SUMF2: variants seen among roughly 807,000 people sequenced by gnomAD.
SUMF2 encodes inactive C-alpha-formylglycine-generating enzyme 2.
In SUMF2, 45 loss-of-function variants were observed where a neutral mutation model predicts 44.8. The observed-to-expected ratio is 1.00, with a 90% confidence interval of 0.79 to 1.29. The LOEUF is 1.29. Among genes scored for constraint, SUMF2 ranks in the 50% most tolerant of loss-of-function variants. The probability of loss-of-function intolerance (pLI) is 0.00; values close to 1 mark genes in which losing one functional copy is unlikely to be tolerated. For synonymous variants in SUMF2, 148 were observed against 150.4 expected (o/e 0.98, Z 0.12); for missense variants, 418 against 389.9 (o/e 1.07, Z -0.61).
At chr7:56,075,737 G>T (rs1195314486) in intron 5 of SUMF2, among the ~76,000 whole-genome samples, 1 of 151,402 alleles carries the variant, frequency 6.6e-6, no homozygotes, top group African/African-American at 2.4e-5. Flanking sequence ...CTCCTAACTC[G>T]GTCATTTGTC....
intron 1 of SUMF2, among the ~76,000 whole-genome samples, chr7:56,066,123 CA>C: frequency 8.1e-6 from 1 of 123,258 alleles, no homozygotes; most frequent in African/African-American, 3.0e-5. Context: ...CAAAACAAAA[CA>C]AAAAAAACGA....
chr7:56,072,980 G>T lies in SUMF2; in HGVS notation c.225-17G>T. On this transcript the variant is annotated splice_polypyrimidine_tract_variant and intron_variant, in intron 2 of 8. Coordinates refer to ENST00000434526, the MANE Select transcript of SUMF2 (RefSeq NM_015411.4). ...CAGAACCTCACCAGCTGAACCAGCT[G>T]AACTATGTCTTTATAGGGATTTTGT... 6.2e-7 allele frequency: 1 copy of T among 1,605,684 alleles called. No homozygotes were observed. Among genetic ancestry groups the T allele is most frequent in the South Asian group, 1.1e-5 (1 of 90,828 alleles).
intron 1 of SUMF2, among the ~76,000 whole-genome samples, chr7:56,068,076 C>T (rs1794927588): frequency 7.0e-6 from 1 of 142,458 alleles, no homozygotes; most frequent in Non-Finnish European, 1.5e-5. Context: ...GCTCTGTTGC[C>T]CAGGTGGAGT....
the SUMF2 span, among the ~76,000 whole-genome samples, chr7:56,086,311 C>T: frequency 1.2e-4 from 18 of 151,932 alleles, no homozygotes; most frequent in Non-Finnish European, 2.4e-4. Context: ...TATGTACATA[C>T]CTAAGATGAA....
rs372302946 is a variant in SUMF2, at chr7:56,078,083, C to G, written c.592-19C>G. On this transcript the variant is annotated intron_variant, in intron 6 of 8. Transcript: ENST00000434526. ...TTGGGACAGGTGGTAAATCCTTTAC[C>G]CTTCCTTTCTCCCATCAGGGAAAGT... The G allele has an allele frequency of 6.0e-5, 96 of 1,601,454 alleles. No individual in the cohort carries two copies. Among genetic ancestry groups the G allele is most frequent in the Admixed American group, 6.7e-5 (4 of 59,508 alleles).
In SUMF2 at chr7:56,078,196, G is replaced by A. The variant is rs1795697864; in HGVS notation, c.676+10G>A. 1.2e-6 allele frequency: 2 copies of A among 1,607,132 alleles called. No homozygotes were observed. The highest frequency in any genetic ancestry group is 1.7e-5 in the Admixed American group (1 of 59,784). On this transcript the variant is annotated intron_variant, in intron 7 of 8. Transcript: ENST00000434526. ...GCCCAGAACAACTACGGTAAGAGCT[G>A]TCTTGGGCTTGCGGCTGTGCCCATG...
downstream of SUMF2, chr7:56,081,953 G>A (rs756281200): frequency 8.7e-6 from 14 of 1,613,752 alleles, no homozygotes; most frequent in East Asian, 8.9e-5. This position sits in a 1 kb window ranked among gnomAD's most constrained non-coding sequence, Gnocchi z 4.6. Context: ...GGTAGTTGCC[G>A]CTCATGATCA....
At chr7:56,070,468 A>T (rs1045493773) in intron 2 of SUMF2, among the ~76,000 whole-genome samples, 4 of 145,480 alleles carry the variant, frequency 2.7e-5, no homozygotes, top group Admixed American at 7.0e-5. Context: ...ACTAAAAATT[A>T]AAAAAAAAAA....
chr7:56,064,552 C>A (rs571706771), intron 1 of SUMF2, among the ~76,000 whole-genome samples, 174 bp downstream of exon 1: 2 of 152,206 alleles, frequency 1.3e-5, no homozygotes, highest in East Asian at 1.9e-4. Context: ...TTTTCAACTT[C>A]TTGTTGTGGA....
At chr7:56,082,270 C>T, downstream of SUMF2, 1 of 1,603,184 alleles carries the variant, frequency 6.2e-7, no homozygotes, top group Non-Finnish European at 8.5e-7. Flanking sequence ...GAACAGTCAT[C>T]ATCAGGGCAG....
At chr7:56,083,990 ATTT>A (rs1449782484), downstream of SUMF2, among the ~76,000 whole-genome samples, 1 of 152,034 alleles carries the variant, frequency 6.6e-6, no homozygotes, top group Non-Finnish European at 1.5e-5. Flanking sequence ...CCCTGACTGA[ATTT>A]TTCCCCTGGA....
downstream of SUMF2, chr7:56,082,216 A>T: frequency 6.2e-7 from 1 of 1,613,784 alleles, no homozygotes; most frequent in East Asian, 2.2e-5. Flanking sequence ...AGCACTCGAT[A>T]ATCTCAGGGG....
chr7:56,083,466 C>T (rs1317866700), downstream of SUMF2: 12 of 1,612,544 alleles, frequency 7.4e-6, no homozygotes, highest in Non-Finnish European at 1.0e-5. Flanking sequence ...ACACTTGTTA[C>T]TCTTCCTCTG....
downstream of SUMF2, chr7:56,083,131 G>GA (rs914341032): frequency 5.2e-4 from 323 of 622,164 alleles, no homozygotes; most frequent in Middle Eastern, 9.3e-4. Context: ...GAAAGAAAAA[G>GA]AAAAAAAAAT....
intron 2 of SUMF2, among the ~76,000 whole-genome samples, chr7:56,071,211 G>T (rs184056697): frequency 1.3e-5 from 2 of 152,160 alleles, no homozygotes; most frequent in East Asian, 1.9e-4. Flanking sequence ...TACAAAATTA[G>T]CTAGGCATGG....
intron 2 of SUMF2, among the ~76,000 whole-genome samples, 198 bp from the exon 3 acceptor site, chr7:56,072,799 G>T (rs1384807211): frequency 6.6e-6 from 1 of 152,194 alleles, no homozygotes; most frequent in Non-Finnish European, 1.5e-5. Context: ...TGAAGAGAGT[G>T]AATTTTACTG....
chr7:56,084,472 C>A (rs1314919670), downstream of SUMF2, among the ~76,000 whole-genome samples: 1 of 149,860 alleles, frequency 6.7e-6, no homozygotes, highest in Non-Finnish European at 1.5e-5. Context: ...CTCCCAGGTT[C>A]AAGCAATTCT....
chr7:56,079,052 T>C, intron 8 of SUMF2: 1 of 545,096 alleles, frequency 1.8e-6, no homozygotes, highest in South Asian at 2.6e-5. Flanking sequence ...GCGGCTAATT[T>C]TTGTAGAGAT....
chr7:56,077,877 C>T (rs1584602222), intron 6 of SUMF2, among the ~76,000 whole-genome samples: 1 of 151,796 alleles, frequency 6.6e-6, no homozygotes, highest in South Asian at 2.1e-4. Flanking sequence ...ACCTGGAGCC[C>T]TGTGGGTACA....
Sources: gnomAD v4.1 joint callset for allele counts (sites outside exome capture counted in the v4.1 genomes callset) on GRCh38, gnomAD v4.1.1 for gene constraint, Gnocchi (gnomAD v3.1) non-coding constraint, MANE v1.5 for transcripts, NCBI Gene and HGNC (gene_info 2026-07-23, HGNC 2026-07-21) for gene names.